BNC2: variants seen among roughly 807,000 people sequenced by gnomAD.
BNC2 encodes the protein basonuclin zinc finger protein 2, also known as zinc finger protein basonuclin-2.
A neutral mutation model predicts 76.3 loss-of-function variants in BNC2; 20 were observed. That is an observed-to-expected ratio of 0.26 (90% CI 0.18 to 0.38). The LOEUF (loss-of-function observed/expected upper bound fraction) is 0.38, where lower values mean the gene tolerates loss of function less well. Ranked by LOEUF, BNC2 falls within the 10% of genes least tolerant of loss-of-function variation. BNC2 has a pLI of 1.00. For missense variants in BNC2, 1,382 were observed against 1,399.8 expected (o/e 0.99, Z 0.20); for synonymous variants, 582 against 514.8 (o/e 1.13, Z -1.77).
intron 5 of BNC2, among the ~76,000 whole-genome samples, chr9:16,445,331 C>T (rs1318520278): frequency 2.6e-5 from 4 of 152,092 alleles, no homozygotes; most frequent in East Asian, 3.9e-4. Context: ...AAAATTACAC[C>T]ATTCTCTATT....
At chr9:16,828,554 G>GAGTCTTT (rs1348861660) in intron 1 of BNC2, among the ~76,000 whole-genome samples, 3 of 152,178 alleles carry the variant, frequency 2.0e-5, no homozygotes, top group Non-Finnish European at 2.9e-5. Context: ...TTGAAAGACA[G>GAGTCTTT]CAGACTACGG....
intron 5 of BNC2, among the ~76,000 whole-genome samples, chr9:16,497,829 C>G (rs1217579166): frequency 6.6e-6 from 1 of 152,056 alleles, no homozygotes; most frequent in Non-Finnish European, 1.5e-5. Context: ...GTTAGCCAGT[C>G]ATATCTGTGA....
intron 1 of BNC2, among the ~76,000 whole-genome samples, chr9:16,746,797 C>T (rs1825022273): frequency 6.6e-6 from 1 of 151,276 alleles, no homozygotes; most frequent in African/African-American, 2.4e-5. Flanking sequence ...CCTGTCTCTA[C>T]TAAAAATACA....
At chr9:16,473,054 T>A (rs1342091407) in intron 5 of BNC2, 1 of 152,224 alleles carries the variant, frequency 6.6e-6, no homozygotes, top group East Asian at 1.9e-4. Context: ...GGAGACTACT[T>A]TGGAGCTAAG....
chr9:16,551,522 A>G (rs1818663085), intron 5 of BNC2, among the ~76,000 whole-genome samples: 1 of 152,268 alleles, frequency 6.6e-6, no homozygotes, highest in Non-Finnish European at 1.5e-5. Flanking sequence ...CAAGGCTGGC[A>G]CAGCCAAAAC....
chr9:16,686,171 A>G (rs1019547058), intron 3 of BNC2, among the ~76,000 whole-genome samples: 5 of 152,188 alleles, frequency 3.3e-5, no homozygotes, highest in African/African-American at 9.6e-5. Context: ...AATATTTATT[A>G]TTAATAGTTA....
At chr9:16,477,954 A>C (rs371736989) in intron 5 of BNC2, among the ~76,000 whole-genome samples, 254 of 152,172 alleles carry the variant, frequency 1.7e-3, no homozygotes, top group African/African-American at 5.7e-3. Context: ...TAGGAACTAA[A>C]ATTTCTCCTT....
At chr9:16,615,309 G>C (rs1820668082) in intron 3 of BNC2, among the ~76,000 whole-genome samples, 1 of 152,058 alleles carries the variant, frequency 6.6e-6, no homozygotes, top group African/African-American at 2.4e-5. Flanking sequence ...AATGTTGATG[G>C]AGCTCAGGAC....
At chr9:16,424,128 T>C (rs1820759865) in intron 6 of BNC2, among the ~76,000 whole-genome samples, 1 of 152,148 alleles carries the variant, frequency 6.6e-6, no homozygotes, top group Admixed American at 6.5e-5. Flanking sequence ...AGTCTTGCCT[T>C]GGACTTCTCT....
intron 6 of BNC2, among the ~76,000 whole-genome samples, chr9:16,427,060 A>G (rs530648566): frequency 3.2e-4 from 49 of 152,358 alleles, no homozygotes; most frequent in African/African-American, 1.1e-3. Flanking sequence ...CCTGGTGCTT[A>G]TATCTCATTT....
chr9:16,716,281 T>C (rs1823993821), intron 3 of BNC2, among the ~76,000 whole-genome samples: 1 of 152,186 alleles, frequency 6.6e-6, no homozygotes, highest in Non-Finnish European at 1.5e-5. Flanking sequence ...TCACAGCAAA[T>C]ATTCATCTTT....
intron 3 of BNC2, among the ~76,000 whole-genome samples, chr9:16,642,446 T>C (rs1221124810): frequency 1.3e-5 from 2 of 152,186 alleles, no homozygotes; most frequent in African/African-American, 2.4e-5. Context: ...TATTCTTCCT[T>C]ACTATATAGC....
intron 5 of BNC2, among the ~76,000 whole-genome samples, chr9:16,518,247 G>T (rs1208620000): frequency 1.3e-5 from 2 of 152,104 alleles, no homozygotes; most frequent in Admixed American, 6.5e-5. Context: ...GGGCAACATA[G>T]GGAGACCCTG....
rs944103777 is a variant in BNC2 at position 16,772,468 on chromosome 9, G to A, written c.4-33983C>T. ...ACATTAACAGGCAGAAAATCCAATAGCTTAAGTCATCATATAGTAGTTATA... is the reference window on the plus strand; with the variant it reads ...ACATTAACAGGCAGAAAATCCAATAACTTAAGTCATCATATAGTAGTTATA... On this transcript the variant is annotated intron_variant, in intron 1 of 6. Coordinates refer to ENST00000380672, the MANE Select transcript of BNC2 (RefSeq NM_017637.6). Among the ~76,000 whole-genome samples the A allele has an allele frequency of 3.3e-5, 5 of 152,048 alleles. No homozygotes were observed. In the East Asian group the frequency reaches 9.6e-4, roughly 29 times the overall value.
chr9:16,675,026 C>A (rs757759216), intron 3 of BNC2, among the ~76,000 whole-genome samples: 22 of 152,122 alleles, frequency 1.4e-4, no homozygotes, highest in African/African-American at 5.1e-4. Flanking sequence ...AAAAGCAAGA[C>A]CCAAATATTC....
intron 3 of BNC2, among the ~76,000 whole-genome samples, chr9:16,627,356 C>A (rs1172183649): frequency 6.6e-6 from 1 of 152,180 alleles, no homozygotes; most frequent in Admixed American, 6.5e-5. Context: ...AATGTCAAAG[C>A]ATATTCCTAT....
At chr9:16,624,257 G>T (rs1820934829) in intron 3 of BNC2, among the ~76,000 whole-genome samples, 2 of 152,062 alleles carry the variant, frequency 1.3e-5, no homozygotes, top group South Asian at 4.1e-4. Context: ...ATACCACAGG[G>T]CTATGAAAAC....
chr9:16,657,570 G>C (rs1319615666), intron 3 of BNC2, among the ~76,000 whole-genome samples: 1 of 152,160 alleles, frequency 6.6e-6, no homozygotes, highest in Admixed American at 6.5e-5. Flanking sequence ...GAGAGAAAGG[G>C]ACTGCCAGAT....
At chr9:16,652,343 C>G (rs1206983975) in intron 3 of BNC2, among the ~76,000 whole-genome samples, 1 of 151,958 alleles carries the variant, frequency 6.6e-6, no homozygotes, top group Admixed American at 6.6e-5. Flanking sequence ...AACTATAAAA[C>G]AAATGTTTTT....
Sources: gnomAD v4.1 joint callset for allele counts (sites outside exome capture counted in the v4.1 genomes callset) on GRCh38, gnomAD v4.1.1 for gene constraint, MANE v1.5 for transcripts, NCBI Gene and HGNC (gene_info 2026-07-23, HGNC 2026-07-21) for gene names.